Variants in CECR2 observed in about 807,000 individuals in gnomAD.
CECR2 encodes chromatin remodeling regulator CECR2.
A neutral mutation model predicts 154.5 loss-of-function variants in CECR2; 30 were observed. The ratio of observed to expected loss-of-function variants is 0.19; its 90% CI spans 0.15 to 0.26. CECR2 has a LOEUF of 0.26. Among genes scored for constraint, CECR2 ranks in the 10% least tolerant of loss-of-function variants. CECR2 has a pLI of 1.00. For missense variants in CECR2, 1,743 were observed against 1,829.3 expected (o/e 0.95, Z 0.86); for synonymous variants, 725 against 683.7 (o/e 1.06, Z -0.94).
chr22:17,548,867 T>G lies in CECR2; in HGVS notation c.3580T>G (p.Tyr1194Asp). Reference sequence around the variant, plus strand: ...CTACCACCCACCGCCACAGCCTTCCTACCACCACTATCAGCGAACTCCTTA... The same window carrying G: ...CTACCACCCACCGCCACAGCCTTCCGACCACCACTATCAGCGAACTCCTTA... The part of the protein sequence containing the change: ...YSYHPPPQPS[Y>D]HHYQRTPYYA... The change falls in exon 17 of 19, where the codon TAC becomes GAC. Residue 1194 changes from tyrosine (Y) to aspartate (D), a missense_variant. This residue lies in a region of CECR2 where 1,250 missense variants were observed against 1,192.1 expected (regional missense o/e 1.05). Transcript: ENST00000262608. 1 of 1,613,324 alleles carries G rather than the reference T, an allele frequency of 6.2e-7. No individual in the cohort carries two copies. Among genetic ancestry groups the G allele is most frequent in the Non-Finnish European group, 8.5e-7 (1 of 1,179,496 alleles).
At chr22:17,377,454 T>C (rs963422539) in intron 1 of CECR2, among the ~76,000 whole-genome samples, 4 of 151,862 alleles carry the variant, frequency 2.6e-5, no homozygotes, top group Non-Finnish European at 5.9e-5. Flanking sequence ...TTAAAGACAG[T>C]ATCTCACTAT....
At chr22:17,455,369 C>A (rs1057421099) in intron 1 of CECR2, among the ~76,000 whole-genome samples, 5 of 152,202 alleles carry the variant, frequency 3.3e-5, no homozygotes, top group Non-Finnish European at 4.4e-5. Flanking sequence ...GGAGGAAAGT[C>A]TTTGAAGAGG....
rs993854024 is a variant in CECR2 at position 17,392,876 on chromosome 22, C to T, written c.126+22967C>T. On this transcript the variant is annotated intron_variant, in intron 1 of 18. Transcript: ENST00000262608. ...CCAACATGGTGAAACCCCGTCTCTACTAAAAATACAAAAATTAGCCAGGTG... is the reference window on the plus strand; with the variant it reads ...CCAACATGGTGAAACCCCGTCTCTATTAAAAATACAAAAATTAGCCAGGTG... 7.6e-4 allele frequency among the ~76,000 whole-genome samples: 115 copies of T among 152,114 alleles called. 1 individual carries two copies. The highest frequency in any genetic ancestry group is 2.7e-3 in the African/African-American group (112 of 41,504).
chr22:17,481,050 A>AAAAAAAAAAAAAAAAAAAAC (rs2055305003), intron 2 of CECR2, among the ~76,000 whole-genome samples: 1 of 116,968 alleles, frequency 8.5e-6, no homozygotes, highest in Non-Finnish European at 1.8e-5. Flanking sequence ...TTTTTTTTTT[A>AAAAAAAAAAAAAAAAAAAAC]AAAAAAAAAA....
intron 1 of CECR2, among the ~76,000 whole-genome samples, chr22:17,432,953 T>C (rs2054449102): frequency 6.6e-6 from 1 of 152,208 alleles, no homozygotes; most frequent in Non-Finnish European, 1.5e-5. Context: ...TGCTTTATTG[T>C]TACCCATAAA....
intron 1 of CECR2, among the ~76,000 whole-genome samples, chr22:17,445,780 A>G (rs1417962242): frequency 6.6e-6 from 1 of 151,672 alleles, no homozygotes; most frequent in Non-Finnish European, 1.5e-5. Flanking sequence ...TTTAGTAGAG[A>G]TGGGGTTTTG....
At position 17,376,222 on chromosome 22, in the gene CECR2, C is replaced by T. The variant is rs554711738; in HGVS notation, c.126+6313C>T. Among the ~76,000 whole-genome samples the T allele has an allele frequency of 6.0e-4, 92 of 152,268 alleles. No homozygotes were observed. In the South Asian group the frequency reaches 7.0e-3, roughly 12 times the overall value. ...ACGCTTTGAAAGGAAAGGCTTGCTG[C>T]TTTGGTGTGTGTGTGTGTGCCCACC... On this transcript the variant is annotated intron_variant, in intron 1 of 18. Coordinates refer to ENST00000262608, the MANE Select transcript of CECR2 (RefSeq NM_001290047.2).
chr22:17,506,262 G>A (rs572561982), intron 7 of CECR2, among the ~76,000 whole-genome samples: 51 of 152,222 alleles, frequency 3.4e-4, no homozygotes, highest in Middle Eastern at 6.8e-3. Flanking sequence ...GAGTAGCTGG[G>A]CCTGCAGGCA....
At chr22:17,492,623 A>C (rs945761254) in intron 2 of CECR2, among the ~76,000 whole-genome samples, 1 of 152,236 alleles carries the variant, frequency 6.6e-6, no homozygotes, top group African/African-American at 2.4e-5. Flanking sequence ...CCAGTCTCTT[A>C]CTGCTGTTTT....
At chr22:17,499,938 G>A (rs147716843) in intron 4 of CECR2, among the ~76,000 whole-genome samples, 7 of 152,174 alleles carry the variant, frequency 4.6e-5, no homozygotes, top group East Asian at 1.9e-4. Flanking sequence ...TATGCCAGGC[G>A]CAGTGGCTCA....
At chr22:17,530,266 C>T (rs1223824992) in intron 9 of CECR2, among the ~76,000 whole-genome samples, 1 of 151,626 alleles carries the variant, frequency 6.6e-6, no homozygotes, top group Non-Finnish European at 1.5e-5. Flanking sequence ...CGCTCTGTCG[C>T]CCAGGCTGGA....
intron 9 of CECR2, among the ~76,000 whole-genome samples, chr22:17,525,616 A>AG (rs1384277675): frequency 2.6e-5 from 4 of 152,220 alleles, no homozygotes; most frequent in Admixed American, 1.3e-4. Flanking sequence ...AATAAAAAAA[A>AG]CAACCCTTAG....
chr22:17,423,298 C>T (rs2054284191), intron 1 of CECR2, among the ~76,000 whole-genome samples: 1 of 151,974 alleles, frequency 6.6e-6, no homozygotes, highest in Non-Finnish European at 1.5e-5. Flanking sequence ...GTTGGGTGTT[C>T]CCTTCCCCTG....
intron 2 of CECR2, among the ~76,000 whole-genome samples, chr22:17,480,222 C>A (rs149657613): frequency 5.1e-4 from 77 of 152,110 alleles, no homozygotes; most frequent in African/African-American, 1.8e-3. Flanking sequence ...CTGCTTCAAG[C>A]TGTATTATCC....
At chr22:17,487,227 A>G (rs1406958679) in intron 2 of CECR2, among the ~76,000 whole-genome samples, 3 of 152,182 alleles carry the variant, frequency 2.0e-5, no homozygotes, top group African/African-American at 7.2e-5. Flanking sequence ...CTGTATCAAT[A>G]AAAATACTTT....
intron 1 of CECR2, among the ~76,000 whole-genome samples, chr22:17,421,611 T>G (rs1312789601): frequency 8.8e-5 from 3 of 33,972 alleles, no homozygotes; most frequent in South Asian, 2.7e-3. Flanking sequence ...CGAGACTCCG[T>G]CTCAAAAAAA....
upstream of CECR2, among the ~76,000 whole-genome samples, chr22:17,366,698 G>T (rs536777948): frequency 6.6e-6 from 1 of 152,262 alleles, no homozygotes; most frequent in South Asian, 2.1e-4. Context: ...AGTCCAAGGG[G>T]AGGCGTGGCA....
At chr22:17,380,131 A>AG (rs1434614400) in intron 1 of CECR2, among the ~76,000 whole-genome samples, 1 of 151,844 alleles carries the variant, frequency 6.6e-6, no homozygotes, top group East Asian at 1.9e-4. Context: ...GCATCAGTGG[A>AG]GGAGGGGTAG....
rs186595947 is a variant in CECR2 at position 17,475,094 on chromosome 22, G to C, written c.127-2494G>C. On this transcript the variant is annotated intron_variant, in intron 1 of 18. Transcript: ENST00000262608. Reference sequence around the variant, plus strand: ...TGTAGAAACCTGGGGATGCATGGACGCCACAGTGACAGTGAGCACTGGTGG... The same window carrying C: ...TGTAGAAACCTGGGGATGCATGGACCCCACAGTGACAGTGAGCACTGGTGG... 6.6e-5 allele frequency among the ~76,000 whole-genome samples: 10 copies of C among 152,256 alleles called. No homozygotes were observed. In the East Asian group the frequency reaches 1.5e-3, roughly 24 times the overall value.
Sources: allele counts gnomAD v4.1 joint callset (sites outside exome capture counted in the v4.1 genomes callset), GRCh38; gene constraint gnomAD v4.1.1; regional missense constraint gnomAD v4.1.1; transcripts MANE v1.5; gene names NCBI Gene and HGNC (gene_info 2026-07-23, HGNC 2026-07-21).